The following ABCA9 variants were observed in gnomAD, a reference collection of about 807,000 sequenced individuals.
ABCA9 encodes ATP-binding cassette sub-family A member 9.
ABCA9 carries 183 observed loss-of-function variants against 205.3 expected under a neutral mutation model. The ratio of observed to expected loss-of-function variants is 0.89; its 90% confidence interval spans 0.79 to 1.01. The LOEUF (loss-of-function observed/expected upper bound fraction) is 1.01. Ranked by LOEUF, ABCA9 falls within the 50% of genes least tolerant of loss-of-function variation. The pLI, the probability that ABCA9 is intolerant of heterozygous loss-of-function variation, is 0.00. For missense variants in ABCA9, 1,805 were observed against 1,912.4 expected (o/e 0.94, Z 1.05); for synonymous variants, 651 against 683.3 (o/e 0.95, Z 0.74).
chr17:69,036,758 TAA>T (rs1357361112), intron 6 of ABCA9, among the ~76,000 whole-genome samples: 2 of 148,724 alleles, frequency 1.3e-5, no homozygotes, highest in African/African-American at 5.0e-5. Context: ...CCGAATTGGA[TAA>T]AGAGTCAAGA....
intron 22 of ABCA9, 63 bp downstream of exon 22, chr17:69,016,190 A>G: frequency 7.7e-7 from 1 of 1,292,486 alleles, no homozygotes. Context: ...TTATTTTAGC[A>G]TTTCAAGAAT....
At position 69,036,871 on chromosome 17, in the gene ABCA9, C is replaced by CAAAAAAAAAAAAAAAAAAAA. The variant is rs781565554; in HGVS notation, c.801-1090_801-1071dup. Reference sequence around the variant, plus strand: ...GAATATTTACCAAGTAAATGGAAAGCAAAAAAAAAAAAAAAAAAAAAAAAA... The same window carrying CAAAAAAAAAAAAAAAAAAAA: ...GAATATTTACCAAGTAAATGGAAAGCAAAAAAAAAAAAAAAAAAAAAAAAAAAAAAAAAAAAAAAAAAAAA... On this transcript the variant is annotated intron_variant, in intron 6 of 38. Transcript: ENST00000340001. Among the ~76,000 whole-genome samples, 5 of 4,712 alleles carry CAAAAAAAAAAAAAAAAAAAA rather than the reference C, an allele frequency of 1.1e-3. 2 individuals are homozygous for CAAAAAAAAAAAAAAAAAAAA. The highest frequency in any genetic ancestry group is 3.0e-3 in the African/African-American group (5 of 1,682). The allele number at this position is 4,712 out of a possible 152,430, so 3.1% of individuals were successfully genotyped here.
chr17:68,990,545 C>A (rs1347990782), intron 29 of ABCA9, among the ~76,000 whole-genome samples: 1 of 152,188 alleles, frequency 6.6e-6, no homozygotes, highest in Non-Finnish European at 1.5e-5. Flanking sequence ...CCAGGCTCAT[C>A]TAATTTTTTT....
intron 37 of ABCA9, among the ~76,000 whole-genome samples, chr17:68,979,543 G>T (rs1162783373): frequency 6.7e-6 from 1 of 149,770 alleles, no homozygotes; most frequent in African/African-American, 2.5e-5. Flanking sequence ...ATACCACAAG[G>T]CTACAGTAAC....
At chr17:69,068,733 C>G in the ABCA9 span, among the ~76,000 whole-genome samples, 1 of 152,208 alleles carries the variant, frequency 6.6e-6, no homozygotes, top group East Asian at 1.9e-4. Context: ...GAAGAAAAAA[C>G]TGAATCCAGA....
At chr17:68,991,956 C>A (rs1215874138) in intron 28 of ABCA9, among the ~76,000 whole-genome samples, 1 of 152,128 alleles carries the variant, frequency 6.6e-6, no homozygotes, top group Non-Finnish European at 1.5e-5. Flanking sequence ...TATGGTCTGC[C>A]TTAATTTTCC....
At chr17:69,020,903 A>G (rs1377644683) in intron 18 of ABCA9, 1 of 232,718 alleles carries the variant, frequency 4.3e-6, no homozygotes, top group Non-Finnish European at 8.4e-6. Context: ...AAGATAAACC[A>G]CTTAGTATTT....
intron 23 of ABCA9, among the ~76,000 whole-genome samples, chr17:69,008,541 C>T (rs769144347): frequency 6.6e-6 from 1 of 152,170 alleles, no homozygotes; most frequent in Non-Finnish European, 1.5e-5. Context: ...TTCTTTCCTT[C>T]GACGTGAAAA....
At chr17:69,063,717 C>A (rs550527101), upstream of ABCA9, among the ~76,000 whole-genome samples, 1 of 152,000 alleles carries the variant, frequency 6.6e-6, no homozygotes, top group African/African-American at 2.4e-5. Flanking sequence ...GAACTACAGG[C>A]GCCCGCCACG....
In ABCA9 at chr17:69,043,589, A is replaced by G; in HGVS notation, c.700T>C (p.Phe234Leu). ...DFFIFFCIIS[F>L]STFIYYVSVN... ...GATACATAGTATATAAATGTAGAAA[A>G]AGAAATAATGCAAAAGAAAATGAAA... is the stretch of plus-strand genomic sequence containing the variant. The change falls in exon 6 of 39, where the codon TTT becomes CTT. Residue 234 changes from phenylalanine to leucine, a missense_variant. By Grantham distance (22) the Phe-to-Leu change is conservative. Coordinates refer to ENST00000340001, the MANE Select transcript of ABCA9 (RefSeq NM_080283.4). 2 of 1,613,122 alleles carry G rather than the reference A, an allele frequency of 1.2e-6. No homozygotes were observed. Among genetic ancestry groups the G allele is most frequent in the Non-Finnish European group, 1.7e-6 (2 of 1,179,424 alleles).
chr17:69,035,325 A>T lies in ABCA9; in HGVS notation c.1049T>A (p.Leu350Ter). ...VFWGILGFPA[L>*]YTRLPAFLEW... Reference sequence around the variant, plus strand: ...CAAAAATGCAGGAAGACGTGTATACAATGCTGGGAATCCCAGGATCCCCCA... The same window carrying T: ...CAAAAATGCAGGAAGACGTGTATACTATGCTGGGAATCCCAGGATCCCCCA... The change falls in exon 8 of 39, where the codon TTG (leucine) becomes TAG (stop). Residue 350 changes from leucine to a stop codon, truncating the protein, a stop_gained. Transcript: ENST00000340001. LOFTEE classifies it high-confidence loss of function. The T allele has an allele frequency of 3.7e-6, 6 of 1,611,096 alleles. No homozygotes were observed. Among genetic ancestry groups the T allele is most frequent in the Non-Finnish European group, 5.1e-6 (6 of 1,178,380 alleles).
chr17:69,032,862 A>G (rs2071199236), intron 9 of ABCA9: 1 of 152,276 alleles, frequency 6.6e-6, no homozygotes, highest in African/African-American at 2.4e-5. Context: ...ACTCCCAGAA[A>G]CGTGATGAAT....
the ABCA9 span, among the ~76,000 whole-genome samples, chr17:69,066,945 T>G: frequency 6.6e-6 from 1 of 152,326 alleles, no homozygotes. Flanking sequence ...TTTTTAGAAG[T>G]TATTTATCAT....
At chr17:69,054,188 A>C (rs560596553) in intron 1 of ABCA9, among the ~76,000 whole-genome samples, 32 of 152,140 alleles carry the variant, frequency 2.1e-4, no homozygotes, top group Non-Finnish European at 3.5e-4. Context: ...AAAAATATGA[A>C]AAGAAGTTAT....
chr17:69,005,712 C>G (rs1248053159), intron 25 of ABCA9, among the ~76,000 whole-genome samples: 1 of 152,144 alleles, frequency 6.6e-6, no homozygotes, highest in African/African-American at 2.4e-5. Flanking sequence ...TCAAATATAA[C>G]TTGTATGATG....
In ABCA9 at chr17:68,986,152, A is replaced by G; in HGVS notation, c.4208+12T>C. On this transcript the variant is annotated intron_variant, in intron 32 of 38. Coordinates refer to ENST00000340001, the MANE Select transcript of ABCA9 (RefSeq NM_080283.4). The stretch of plus-strand genomic sequence containing the variant: ...CCTCCAGCAAAGGGGAGTGCCCCCC[A>G]GTCCCAGGTACCGTGTGATGGCGAT... 6.3e-7 allele frequency: 1 copy of G among 1,592,418 alleles called. No individual in the cohort carries two copies.
Position 68,984,098 on chromosome 17 carries a change from G to A in ABCA9, c.4457C>T (p.Ala1486Val), listed in dbSNP as rs375389452. The change falls in exon 35 of 39, where the codon GCG becomes GTG. Residue 1486 changes from alanine to valine, a missense_variant. By Grantham distance (64) the Ala-to-Val change is moderately conservative. Coordinates refer to ENST00000340001, the MANE Select transcript of ABCA9 (RefSeq NM_080283.4). ...LTTHYMAEAE[A>V]VCDRVAIMVS... ...CATGATGGCCACTCGGTCACACACC[G>A]CCTCAGCCTCTGCCATGTAGTGGGT... 7.4e-6 allele frequency: 12 copies of A among 1,614,022 alleles called. No individual in the cohort carries two copies. Among genetic ancestry groups the A allele is most frequent in the South Asian group, 2.2e-5 (2 of 91,078 alleles).
intron 22 of ABCA9, among the ~76,000 whole-genome samples, chr17:69,014,062 T>C (rs2070486512): frequency 6.6e-6 from 1 of 152,180 alleles, no homozygotes; most frequent in East Asian, 1.9e-4. Flanking sequence ...GTCATCCAGA[T>C]AATTGGCTAG....
chr17:69,037,144 TAGAC>T (rs2071371347), intron 6 of ABCA9, among the ~76,000 whole-genome samples: 2 of 152,148 alleles, frequency 1.3e-5, no homozygotes, highest in Admixed American at 6.5e-5. Flanking sequence ...CTGTCAATAT[TAGAC>T]AGATCAATGT....
Sources: allele counts gnomAD v4.1 joint callset (sites outside exome capture counted in the v4.1 genomes callset), GRCh38; gene constraint gnomAD v4.1.1; transcripts MANE v1.5; gene names NCBI Gene and HGNC (gene_info 2026-07-23, HGNC 2026-07-21).